IMPG2: variants seen among roughly 807,000 people sequenced by gnomAD.
IMPG2 encodes the protein interphotoreceptor matrix proteoglycan 2.
IMPG2 carries 91 observed loss-of-function variants against 129.2 expected under a neutral mutation model. That is an observed-to-expected ratio of 0.70 (90% CI 0.59 to 0.84). IMPG2 has a LOEUF of 0.84. IMPG2 is among the 40% of genes least tolerant of loss of function. The pLI is 0.00. For synonymous variants in IMPG2, 510 were observed against 517.7 expected (o/e 0.99, Z 0.20); for missense variants, 1,430 against 1,461.7 (o/e 0.98, Z 0.35).
intron 4 of IMPG2, among the ~76,000 whole-genome samples, chr3:101,287,588 C>T (rs568850969): frequency 6.6e-6 from 1 of 152,174 alleles, no homozygotes; most frequent in Admixed American, 6.6e-5. Context: ...TAAAGCTTCA[C>T]ATCTACAACC....
chr3:101,244,425 C>G lies in IMPG2; in HGVS notation c.1906G>C (p.Asp636His). ...EPLSKPWLED[D>H]DSLLPAEIED... ...ATCTCAGCTGGCAAAAGTGAATCAT[C>G]ATCTTCAAGCCACGGCTTGGACAGT... Residue 636 changes from aspartate (D) to histidine (H), a missense_variant, in exon 13 of 19, where the codon GAT becomes CAT. Coordinates refer to ENST00000193391, the MANE Select transcript of IMPG2 (RefSeq NM_016247.4). The G allele has an allele frequency of 6.2e-7, 1 of 1,614,196 alleles. No individual in the cohort carries two copies. The highest frequency in any genetic ancestry group is 8.5e-7 in the Non-Finnish European group (1 of 1,180,018).
At chr3:101,233,527 G>A (rs1300321499) in intron 14 of IMPG2, among the ~76,000 whole-genome samples, 1 of 152,170 alleles carries the variant, frequency 6.6e-6, no homozygotes, top group Non-Finnish European at 1.5e-5. Flanking sequence ...GTCAAGATTT[G>A]TGAAAATCAA....
At chr3:101,313,216 T>G (rs1344273046) in intron 2 of IMPG2, among the ~76,000 whole-genome samples, 1 of 152,090 alleles carries the variant, frequency 6.6e-6, no homozygotes, top group Non-Finnish European at 1.5e-5. Context: ...CTAACTAACT[T>G]GGAATAACAG....
intron 11 of IMPG2, among the ~76,000 whole-genome samples, chr3:101,253,070 G>A (rs1340697303): frequency 6.6e-6 from 1 of 152,084 alleles, no homozygotes; most frequent in Non-Finnish European, 1.5e-5. Flanking sequence ...AAGTGAAGTG[G>A]CAAGTGGAGG....
intron 9 of IMPG2, among the ~76,000 whole-genome samples, chr3:101,263,049 A>G (rs1173426219): frequency 1.3e-5 from 2 of 152,112 alleles, no homozygotes; most frequent in Non-Finnish European, 2.9e-5. Flanking sequence ...AGACATATAA[A>G]GCAACTATTA....
At chr3:101,316,705 T>C (rs1027256304) in intron 2 of IMPG2, among the ~76,000 whole-genome samples, 2 of 152,100 alleles carry the variant, frequency 1.3e-5, no homozygotes, top group Non-Finnish European at 2.9e-5. Context: ...AAGTTAAACG[T>C]ATACCTATCA....
chr3:101,250,310 A>C (rs1330357009), intron 11 of IMPG2, among the ~76,000 whole-genome samples: 1 of 152,178 alleles, frequency 6.6e-6, no homozygotes, highest in Non-Finnish European at 1.5e-5. Context: ...CAACAAATTA[A>C]AGTCCAGAAA....
At chr3:101,256,126 GAGAAAGAAAGAAAGAAAGAAA>G (rs1706597490) in intron 10 of IMPG2, among the ~76,000 whole-genome samples, 4 of 68,060 alleles carry the variant, frequency 5.9e-5, no homozygotes, top group African/African-American at 2.3e-4. Flanking sequence ...AAAAGAAAGA[GAGAAAGAAAGAAAGAAAGAAA>G]AGAAAGAAAG....
chr3:101,228,972 T>G, intron 17 of IMPG2, 96 bp from the exon 18 acceptor site: 1 of 888,858 alleles, frequency 1.1e-6, no homozygotes, highest in Non-Finnish European at 1.9e-6. Flanking sequence ...AATTGTTACA[T>G]TCTGGGCTAT....
chr3:101,231,803 G>A (rs932171990), intron 15 of IMPG2, among the ~76,000 whole-genome samples: 6 of 152,036 alleles, frequency 3.9e-5, no homozygotes, highest in South Asian at 2.1e-4. Context: ...CTTCAACCAC[G>A]CAGCTTTGGT....
At chr3:101,267,578 T>C (rs1467377857) in intron 8 of IMPG2, 47 bp from the exon 9 acceptor site, 23 of 1,441,122 alleles carry the variant, frequency 1.6e-5, no homozygotes, top group Non-Finnish European at 2.2e-5. Flanking sequence ...AGACAGTTAT[T>C]ATTGTCACAT....
At chr3:101,250,505 A>G (rs1259745002) in intron 11 of IMPG2, among the ~76,000 whole-genome samples, 1 of 152,206 alleles carries the variant, frequency 6.6e-6, no homozygotes, top group Non-Finnish European at 1.5e-5. Context: ...TAGTACAACC[A>G]TGCCTGTTAG....
In IMPG2 at chr3:101,242,842, A is replaced by T. The variant is rs1559642419; in HGVS notation, c.2868T>A (p.Asn956Lys). 1.2e-6 allele frequency: 2 copies of T among 1,614,098 alleles called. No individual in the cohort carries two copies. Among genetic ancestry groups the T allele is most frequent in the Non-Finnish European group, 1.7e-6 (2 of 1,179,980 alleles). ...TTCGACTGTTCACCACAATGCTGCC[A>T]TTTCTGAAGTTGAGGATTTCTAAGT... is the stretch of plus-strand genomic sequence containing the variant. ...FQNLEILNFR[N>K]GSIVVNSRMK... Residue 956 changes from asparagine (N) to lysine (K), a missense_variant, in exon 14 of 19, where the codon AAT becomes AAA. Transcript: ENST00000193391.
chr3:101,257,597 A>G lies in IMPG2; in HGVS notation c.1085T>C (p.Leu362Ser). The change falls in exon 10 of 19, where the codon TTG becomes TCG. Residue 362 changes from leucine to serine, a missense_variant. Physicochemically the swap from Leu to Ser is moderately radical, Grantham distance 145. Transcript: ENST00000193391. Reference protein sequence around the residue: ...SNFRDYIAETLQQNFLLGNSS... With the variant: ...SNFRDYIAETSQQNFLLGNSS... ...GTTCCCCAGCAAAAAATTCTGCTGCAATGTCTCAGCAATATAATCTCTGAA... is the reference window on the plus strand; with the variant it reads ...GTTCCCCAGCAAAAAATTCTGCTGCGATGTCTCAGCAATATAATCTCTGAA... The G allele has an allele frequency of 6.2e-7, 1 of 1,613,306 alleles. No individual in the cohort carries two copies. The highest frequency in any genetic ancestry group is 8.5e-7 in the Non-Finnish European group (1 of 1,179,428).
In IMPG2 at chr3:101,257,517, T is replaced by A. The variant is rs903578044; in HGVS notation, c.1153+12A>T. On this transcript the variant is annotated intron_variant, in intron 10 of 18. Transcript: ENST00000193391. The stretch of plus-strand genomic sequence containing the variant: ...AACTATACAAGGACTTCATGATGGA[T>A]ATCAAACTCACCATTGATAAGCTGC... The A allele has an allele frequency of 1.9e-6, 3 of 1,613,022 alleles. No individual in the cohort carries two copies. The African/African-American group carries it at 4.0e-5, about 22-fold the overall frequency.
intron 18 of IMPG2, chr3:101,228,001 G>T (rs1161021169): frequency 8.1e-6 from 3 of 368,252 alleles, no homozygotes; most frequent in Non-Finnish European, 1.6e-5. Flanking sequence ...CAAGCCAGAA[G>T]ATACTTATCT....
intron 10 of IMPG2, 118 bp from the exon 11 acceptor site, chr3:101,253,899 C>A (rs988645015): frequency 1.4e-6 from 1 of 712,888 alleles, no homozygotes; most frequent in East Asian, 2.7e-5. Context: ...GCAGAAAATA[C>A]GGGACACACT....
At position 101,320,399 on chromosome 3, in the gene IMPG2, G is replaced by A; in HGVS notation, c.-27C>T. 1.4e-6 allele frequency: 2 copies of A among 1,422,442 alleles called. No individual in the cohort carries two copies. Among genetic ancestry groups the A allele is most frequent in the African/African-American group, 1.4e-5 (1 of 71,050 alleles). 88.1% of individuals were successfully genotyped at this position (1,422,442 alleles called of 1,614,324 possible). A position where few individuals can be genotyped will look rare whatever the true frequency, so the allele number is the denominator to read the frequency against. ...TGGGCCAAAACCAAAGGAATGAGGA[G>A]AGGACAGAATCCTTAATTGAGTGTC... On this transcript the variant is annotated 5_prime_UTR_variant, in exon 1 of 19. Transcript: ENST00000193391.
At chr3:101,250,783 G>T (rs371416632) in intron 11 of IMPG2, among the ~76,000 whole-genome samples, 1 of 152,150 alleles carries the variant, frequency 6.6e-6, no homozygotes, top group African/African-American at 2.4e-5. Flanking sequence ...CACAGATAGG[G>T]AGTGTGGGAG....
Sources: gnomAD v4.1 joint callset for allele counts (sites outside exome capture counted in the v4.1 genomes callset) on GRCh38, gnomAD v4.1.1 for gene constraint, MANE v1.5 for transcripts, NCBI Gene and HGNC (gene_info 2026-07-23, HGNC 2026-07-21) for gene names.